SH2D2A: variants seen among roughly 807,000 people sequenced by gnomAD.
The protein encoded by SH2D2A is SH2 domain-containing protein 2A.
Under a neutral mutation model 43.6 loss-of-function variants are expected in SH2D2A, and 33 were observed. The ratio of observed to expected loss-of-function variants is 0.76; its 90% CI spans 0.57 to 1.01. SH2D2A has a LOEUF of 1.01. SH2D2A is among the 50% of genes least tolerant of loss of function. SH2D2A has a pLI of 0.00. For synonymous variants in SH2D2A, 212 were observed against 206.1 expected (o/e 1.03, Z -0.25); for missense variants, 491 against 503.1 (o/e 0.98, Z 0.23).
In SH2D2A at chr1:156,809,838, C is replaced by G. The variant is rs1484936973; in HGVS notation, c.568-31G>C. The G allele has an allele frequency of 1.2e-6, 2 of 1,609,898 alleles. No individual in the cohort carries two copies. The highest frequency in any genetic ancestry group is 1.7e-6 in the Non-Finnish European group (2 of 1,178,364). ...GGGAAAGAAGGAGGTCTGAGGCACT[C>G]GGTGGAGCGTTGGGGTGGGGGAGGT... On this transcript the variant is annotated intron_variant, in intron 5 of 8. Transcript: ENST00000368199. The surrounding 1 kb of genome is among the most constrained non-coding windows in gnomAD (Gnocchi z 4.8).
Position 156,816,666 on chromosome 1 carries a change from C to A in SH2D2A, c.34+9G>T. On this transcript the variant is annotated intron_variant, in intron 1 of 8. Transcript: ENST00000368199. ...CCCTCCCACCCATATCCTTCAACTT[C>A]ACACTTACCTTGGGGACATATCTGG... The A allele has an allele frequency of 6.2e-7, 1 of 1,601,974 alleles. No homozygotes were observed. The highest frequency in any genetic ancestry group is 1.1e-5 in the South Asian group (1 of 89,796).
chr1:156,816,190 G>A, intron 1 of SH2D2A, 96 bp from the exon 2 acceptor site: 7 of 1,487,660 alleles, frequency 4.7e-6, no homozygotes, highest in Non-Finnish European at 6.3e-6. Context: ...GATCTGGAGG[G>A]CTGGGACAGT....
chr1:156,809,208 C>T lies in SH2D2A; in HGVS notation c.997G>A (p.Gly333Ser). The change falls in exon 7 of 9, where the codon GGC becomes AGC. Residue 333 changes from glycine to serine, a missense_variant. Gly to Ser is a moderately conservative substitution (Grantham distance 56). Transcript: ENST00000368199. The surrounding 1 kb of genome is among the most constrained non-coding windows in gnomAD (Gnocchi z 4.8). Reference sequence around the variant, plus strand: ...TTCCCTGCATACCCATTTACCTGGCCTCCTGGGACAGGCCTGGACCAGCTC... The same window carrying T: ...TTCCCTGCATACCCATTTACCTGGCTTCCTGGGACAGGCCTGGACCAGCTC... ...RKSWSRPVPGGQNTGGSQLHS... is the reference protein window; with the variant it reads ...RKSWSRPVPGSQNTGGSQLHS... The T allele has an allele frequency of 6.2e-7, 1 of 1,606,110 alleles. No individual in the cohort carries two copies. Among genetic ancestry groups the T allele is most frequent in the African/African-American group, 1.3e-5 (1 of 74,764 alleles).
At position 156,809,316 on chromosome 1, in the gene SH2D2A, G is replaced by A. The variant is rs761906481; in HGVS notation, c.889C>T (p.Pro297Ser). 1 of 1,614,192 alleles carries A rather than the reference G, an allele frequency of 6.2e-7. No individual in the cohort carries two copies. Among genetic ancestry groups the A allele is most frequent in the South Asian group, 1.1e-5 (1 of 91,086 alleles). Residue 297 changes from proline to serine, a missense_variant, in exon 7 of 9, where the codon CCT becomes TCT. Coordinates refer to ENST00000368199, the MANE Select transcript of SH2D2A (RefSeq NM_003975.4). The surrounding 1 kb of genome is among the most constrained non-coding windows in gnomAD (Gnocchi z 4.8). ...IAFYAMGRGS[P>S]GEAPSNIYVE... Reference sequence around the variant, plus strand: ...TAGATGTTGCTGGGGGCTTCCCCAGGGCTGCCCCGGCCCATGGCATAGAAA... The same window carrying A: ...TAGATGTTGCTGGGGGCTTCCCCAGAGCTGCCCCGGCCCATGGCATAGAAA...
intron 3 of SH2D2A, 44 bp downstream of exon 3, chr1:156,814,993 T>G: frequency 7.0e-7 from 1 of 1,435,644 alleles, no homozygotes; most frequent in South Asian, 1.5e-5. Context: ...GACCCAGGAC[T>G]TGCCCTGCCC....
chr1:156,810,752 T>C (rs1653355252), intron 5 of SH2D2A, among the ~76,000 whole-genome samples: 1 of 152,138 alleles, frequency 6.6e-6, no homozygotes, highest in Non-Finnish European at 1.5e-5. Flanking sequence ...GAAATCCTGA[T>C]CTCAGGTGAT....
Position 156,809,454 on chromosome 1 carries a change from C to T in SH2D2A, c.751G>A (p.Ala251Thr), listed in dbSNP as rs367900320. ...ACTTCTGGGGGCAGCTGAGGTTTGGCGGGGATGGGAGGCTTGGGCCTGAGC... is the reference window on the plus strand; with the variant it reads ...ACTTCTGGGGGCAGCTGAGGTTTGGTGGGGATGGGAGGCTTGGGCCTGAGC... ...QLLRPKPPIPAKPQLPPEVYT... is the reference protein window; with the variant it reads ...QLLRPKPPIPTKPQLPPEVYT... Residue 251 changes from alanine to threonine, a missense_variant, in exon 7 of 9, where the codon GCC (alanine) becomes ACC (threonine). By Grantham distance (58) the Ala-to-Thr change is moderately conservative. Coordinates refer to ENST00000368199, the MANE Select transcript of SH2D2A (RefSeq NM_003975.4). The surrounding 1 kb of genome is among the most constrained non-coding windows in gnomAD (Gnocchi z 4.8). The T allele has an allele frequency of 1.1e-5, 17 of 1,610,074 alleles. No individual in the cohort carries two copies. The highest frequency in any genetic ancestry group is 2.7e-5 in the African/African-American group (2 of 74,886).
intron 1 of SH2D2A, 103 bp from the exon 2 acceptor site, chr1:156,816,197 C>T: frequency 2.0e-6 from 3 of 1,478,468 alleles, no homozygotes; most frequent in Admixed American, 2.6e-5. Context: ...AGGGCTGGGA[C>T]AGTCTTAACG....
At chr1:156,815,907 C>G in intron 2 of SH2D2A, 99 bp downstream of exon 2, 1 of 1,612,184 alleles carries the variant, frequency 6.2e-7, no homozygotes, top group Non-Finnish European at 8.5e-7. Flanking sequence ...TTCCTGCCTT[C>G]TCTTGGAGTG....
In SH2D2A at chr1:156,806,276, T is replaced by G. The variant is rs1165413057; in HGVS notation, c.*301A>C. The G allele has an allele frequency of 6.6e-6, 1 of 152,270 alleles. No individual in the cohort carries two copies. Among genetic ancestry groups the G allele is most frequent in the East Asian group, 1.9e-4 (1 of 5,194 alleles). 9.4% of individuals were successfully genotyped at this position (152,270 alleles called of 1,614,324 possible). The stretch of plus-strand genomic sequence containing the variant: ...GGAGAAGGCAGTTGGTGATGATTTA[T>G]TAGCCAGACAAGAATCAACAAACAA... On this transcript the variant is annotated 3_prime_UTR_variant, in exon 9 of 9. Transcript: ENST00000368199.
At chr1:156,816,137 C>T (rs1653903933) in intron 1 of SH2D2A, 43 bp from the exon 2 acceptor site, 2 of 1,574,886 alleles carry the variant, frequency 1.3e-6, no homozygotes, top group Non-Finnish European at 1.7e-6. Context: ...CAGAGAGGAA[C>T]TATGTCTGTC....
In SH2D2A at chr1:156,807,172, T is replaced by TA. The variant is rs1441128648; in HGVS notation, c.*3+2dup. 6.2e-7 allele frequency: 1 copy of TA among 1,610,746 alleles called. No homozygotes were observed. The highest frequency in any genetic ancestry group is 1.7e-5 in the Admixed American group (1 of 59,852). On this transcript the variant is annotated splice_region_variant and intron_variant, in intron 8 of 8. Transcript: ENST00000368199. This position sits in a 1 kb window ranked among gnomAD's most constrained non-coding sequence, Gnocchi z 5.1. Reference sequence around the variant, plus strand: ...AAGTTATCCTCACCAAGCTCAGACTTACCGCCTACTGAGGAGGCCCAAGGG... The same window carrying TA: ...AAGTTATCCTCACCAAGCTCAGACTTAACCGCCTACTGAGGAGGCCCAAGGG...
intron 5 of SH2D2A, 133 bp downstream of exon 5, chr1:156,813,715 G>T: frequency 1.2e-6 from 1 of 831,104 alleles, no homozygotes; most frequent in Non-Finnish European, 1.7e-6. Flanking sequence ...AAGATGCCTG[G>T]GTAAGGGAGG....
chr1:156,815,697 C>T lies in SH2D2A; in HGVS notation c.123+309G>A, dbSNP rs1653836987. The T allele has an allele frequency of 1.3e-5, 13 of 1,008,176 alleles. No individual in the cohort carries two copies. The South Asian group carries it at 1.4e-4, about 11-fold the overall frequency. 62.5% of individuals were successfully genotyped at this position (1,008,176 alleles called of 1,614,324 possible). ...AGACGGGAATGTGGAATGCACTGGG[C>T]AAATGGTCACTGACACAGAGTGCAG... On this transcript the variant is annotated intron_variant, in intron 2 of 8. Coordinates refer to ENST00000368199, the MANE Select transcript of SH2D2A (RefSeq NM_003975.4).
intron 4 of SH2D2A, 21 bp downstream of exon 4, chr1:156,814,184 G>A (rs770061904): frequency 6.2e-7 from 1 of 1,612,372 alleles, no homozygotes; most frequent in South Asian, 1.1e-5. Flanking sequence ...GTGTCGCCCG[G>A]CGCGGGGCCT....
chr1:156,816,218 C>A, intron 1 of SH2D2A, 124 bp from the exon 2 acceptor site: 4 of 1,429,828 alleles, frequency 2.8e-6, no homozygotes, highest in East Asian at 2.5e-5. Context: ...ACAGGAAAAA[C>A]GCAGAAGGGC....
In SH2D2A at chr1:156,809,793, T is replaced by G; in HGVS notation, c.582A>C (p.Ala194=). ...ATTCTTCGGTCCTCAGGGAAAGTCC[T>G]GCAGGCTCAGGAGTCTGCTGGGAAA... ...EPLARQTPEP[A]GLSLRTEESN... Residue 194 remains alanine, a synonymous_variant, in exon 6 of 9, where the codon GCA becomes GCC. Transcript: ENST00000368199. This position sits in a 1 kb window ranked among gnomAD's most constrained non-coding sequence, Gnocchi z 4.8. The G allele has an allele frequency of 6.2e-7, 1 of 1,613,826 alleles. No individual in the cohort carries two copies. Among genetic ancestry groups the G allele is most frequent in the East Asian group, 2.2e-5 (1 of 44,848 alleles).
At position 156,813,877 on chromosome 1, in the gene SH2D2A, C is replaced by T. The variant is rs1653609086; in HGVS notation, c.538G>A (p.Glu180Lys). 4 of 1,525,460 alleles carry T rather than the reference C, an allele frequency of 2.6e-6. No homozygotes were observed. Among genetic ancestry groups the T allele is most frequent in the Admixed American group, 2.0e-5 (1 of 50,898 alleles). 94.5% of individuals were successfully genotyped at this position (1,525,460 alleles called of 1,614,324 possible). ...CGGGCGAGGGGCTCGGTGAGCGTCT[C>T]CCCGTAGGGGCTGAGCGGGTGCGCG... is the stretch of plus-strand genomic sequence containing the variant. ...YTAHPLSPYG[E>K]TLTEPLARQT... The change falls in exon 5 of 9, where the codon GAG (glutamate) becomes AAG (lysine). Residue 180 changes from glutamate (E) to lysine (K), a missense_variant. By Grantham distance (56) the Glu-to-Lys change is moderately conservative (BLOSUM62 1). Transcript: ENST00000368199.
chr1:156,810,225 A>G (rs1445406305), intron 5 of SH2D2A, among the ~76,000 whole-genome samples: 1 of 152,040 alleles, frequency 6.6e-6, no homozygotes. Flanking sequence ...TCTTGTAGAG[A>G]TGAGGTCTCA....
Sources: allele counts gnomAD v4.1 joint callset (sites outside exome capture counted in the v4.1 genomes callset), GRCh38; gene constraint gnomAD v4.1.1; non-coding constraint Gnocchi (gnomAD v3.1); transcripts MANE v1.5; gene names NCBI Gene and HGNC (gene_info 2026-07-23, HGNC 2026-07-21).